MAP3K7: variants seen among roughly 807,000 people sequenced by gnomAD.
The protein encoded by MAP3K7 is TGF-beta activated kinase 1.
Under a neutral mutation model 84.8 loss-of-function variants are expected in MAP3K7, and 21 were observed. The ratio of observed to expected loss-of-function variants is 0.25; its 90% CI spans 0.18 to 0.36. The LOEUF (loss-of-function observed/expected upper bound fraction) is 0.36, where lower values mean the gene tolerates loss of function less well. Among genes scored for constraint, MAP3K7 ranks in the 10% least tolerant of loss-of-function variants. MAP3K7 has a pLI of 1.00. For synonymous variants in MAP3K7, 241 were observed against 247.7 expected, an observed-to-expected ratio of 0.97 and a Z score of 0.25; for missense variants, 503 against 747.7, an observed-to-expected ratio of 0.67 and a Z score of 3.82.
chr6:90,541,950 C>A, intron 12 of MAP3K7, among the ~76,000 whole-genome samples: 1 of 151,764 alleles, frequency 6.6e-6, no homozygotes, highest in East Asian at 1.9e-4. Context: ...TGCACTTGGC[C>A]AAAGGGAAGT....
At chr6:90,577,023 A>T (rs956579600) in intron 1 of MAP3K7, among the ~76,000 whole-genome samples, 3 of 152,206 alleles carry the variant, frequency 2.0e-5, no homozygotes, top group Admixed American at 2.0e-4. Context: ...TATAGCTCTT[A>T]AAGAAAGGAT....
In MAP3K7 at chr6:90,556,608, C is replaced by A. The variant is rs943102765; in HGVS notation, c.499G>T (p.Gly167Trp). ...TCACAAATTTTTAGAACTGTCCCCC[C>A]TGCAACCAGCAGTAAGCTGTTTAAA... Reference protein sequence around the residue: ...LKPPNLLLVAGGTVLKICDFG... With the variant: ...LKPPNLLLVAWGTVLKICDFG... Residue 167 changes from glycine to tryptophan, a missense_variant, in exon 6 of 17, where the codon GGG (glycine) becomes TGG (tryptophan). This residue lies in a region of MAP3K7 where 97 missense variants were observed against 270.8 expected (regional missense o/e 0.36). Transcript: ENST00000369329. The A allele has an allele frequency of 5.0e-6, 8 of 1,607,826 alleles. No individual in the cohort carries two copies. The highest frequency in any genetic ancestry group is 1.4e-5 in the African/African-American group (1 of 74,018).
chr6:90,543,036 A>G (rs1775900569), intron 12 of MAP3K7, among the ~76,000 whole-genome samples: 1 of 152,066 alleles, frequency 6.6e-6, no homozygotes, highest in Non-Finnish European at 1.5e-5. Flanking sequence ...TTACACTGCC[A>G]TCTGTCTAAA....
At chr6:90,572,690 TAC>T (rs1462056826) in intron 1 of MAP3K7, among the ~76,000 whole-genome samples, 7 of 152,068 alleles carry the variant, frequency 4.6e-5, no homozygotes, top group Non-Finnish European at 7.4e-5. Flanking sequence ...TAGATCTCAT[TAC>T]AGTTATTTTT....
Position 90,533,425 on chromosome 6 carries a change from G to A in MAP3K7, c.1356+2912C>T, listed in dbSNP as rs190995122. On this transcript the variant is annotated intron_variant, in intron 13 of 16. Transcript: ENST00000369329. ...GGTTTTAGAAAAAGAAAGTATTATA[G>A]GATTTAGGCTTTGGTTGAGTGATTT... is the stretch of plus-strand genomic sequence containing the variant. Among the ~76,000 whole-genome samples the A allele has an allele frequency of 6.6e-5, 10 of 152,244 alleles. No individual in the cohort carries two copies. The East Asian group carries it at 1.7e-3, about 27-fold the overall frequency.
chr6:90,525,778 G>T (rs554187327), intron 13 of MAP3K7, among the ~76,000 whole-genome samples: 2 of 151,910 alleles, frequency 1.3e-5, no homozygotes, highest in African/African-American at 4.8e-5. Flanking sequence ...ACGTTCCCAG[G>T]CTGGTCTCTA....
At position 90,515,296 on chromosome 6, in the gene MAP3K7, A is replaced by G. The variant is rs1774923651; in HGVS notation, c.*1205T>C. The G allele has an allele frequency of 6.6e-6, 1 of 151,992 alleles. No homozygotes were observed. The highest frequency in any genetic ancestry group is 2.1e-4 in the South Asian group (1 of 4,834). The allele number at this position is 151,992 out of a possible 1,614,324, so 9.4% of individuals were successfully genotyped here. On this transcript the variant is annotated 3_prime_UTR_variant, in exon 17 of 17. Coordinates refer to ENST00000369329, the MANE Select transcript of MAP3K7 (RefSeq NM_145331.3). The stretch of plus-strand genomic sequence containing the variant: ...AACTGAAAAAATATAGAGTTTGTAT[A>G]GTCTATTATTTCAGTGTCATTTTAT...
intron 5 of MAP3K7, among the ~76,000 whole-genome samples, chr6:90,557,118 AT>A: frequency 6.6e-6 from 1 of 152,312 alleles, no homozygotes; most frequent in Middle Eastern, 3.4e-3. Flanking sequence ...TCCCAAAACC[AT>A]TTTTGTGCTT....
chr6:90,541,491 G>A (rs1464457308), intron 12 of MAP3K7, among the ~76,000 whole-genome samples: 1 of 151,952 alleles, frequency 6.6e-6, no homozygotes, highest in Admixed American at 6.6e-5. Context: ...GTAAAAAGGA[G>A]CCAGGCTAAT....
rs201415916 is a variant in MAP3K7 at position 90,550,644 on chromosome 6, TG to T, written c.868-96del. 254 of 703,262 alleles carry T rather than the reference TG, an allele frequency of 3.6e-4. No individual in the cohort carries two copies. The East Asian group carries it at 6.0e-3, about 17-fold the overall frequency. 43.6% of individuals were successfully genotyped at this position (703,262 alleles called of 1,614,324 possible). ...TTTTCCCTAAGTTATATACTAAATT[TG>T]TAGGTGCCTAAGTTTTTTATTTTAC... On this transcript the variant is annotated intron_variant, in intron 8 of 16. Transcript: ENST00000369329.
Position 90,553,469 on chromosome 6 carries a change from G to A in MAP3K7, c.725C>T (p.Ala242Val). ...IGGPAFRIMWAVHNGTRPPLI... is the reference protein window; with the variant it reads ...IGGPAFRIMWVVHNGTRPPLI... ...TTCTTTTTACGAACCATTATGAACA[G>A]CCCACATGATTCGGAAAGCTGGGCC... Residue 242 changes from alanine (A) to valine (V), a missense_variant, in exon 7 of 17, where the codon GCT becomes GTT. Transcript: ENST00000369329. 1 of 1,613,448 alleles carries A rather than the reference G, an allele frequency of 6.2e-7. No individual in the cohort carries two copies. Among genetic ancestry groups the A allele is most frequent in the Non-Finnish European group, 8.5e-7 (1 of 1,179,816 alleles).
chr6:90,514,966 G>A lies in MAP3K7; in HGVS notation c.*1535C>T, dbSNP rs970624808. On this transcript the variant is annotated 3_prime_UTR_variant, in exon 17 of 17. Transcript: ENST00000369329. ...AAAAATAACAGTTTAGTATTCACCT[G>A]TATTGCTTGTATACACAAGGAATTC... 5.3e-5 allele frequency: 8 copies of A among 151,930 alleles called. No homozygotes were observed. Among genetic ancestry groups the A allele is most frequent in the Non-Finnish European group, 8.8e-5 (6 of 67,916 alleles). 9.4% of individuals were successfully genotyped at this position (151,930 alleles called of 1,614,324 possible). A position where few individuals can be genotyped will look rare whatever the true frequency, so the allele number is the denominator to read the frequency against.
chr6:90,545,297 T>C (rs1775969495), intron 11 of MAP3K7, among the ~76,000 whole-genome samples: 1 of 152,114 alleles, frequency 6.6e-6, no homozygotes, highest in African/African-American at 2.4e-5. Flanking sequence ...ATTTAAATTG[T>C]GTAAAACTCA....
At position 90,516,392 on chromosome 6, in the gene MAP3K7, T is replaced by G. The variant is rs1050793837; in HGVS notation, c.*109A>C. On this transcript the variant is annotated 3_prime_UTR_variant, in exon 17 of 17. Transcript: ENST00000369329. ...TGCAGCAAATATAGGCAGTTGGCAT[T>G]CAGAACACGCCAAAAAGCTAACACT... 3.4e-5 allele frequency: 39 copies of G among 1,143,578 alleles called. No individual in the cohort carries two copies. In the African/African-American group the frequency reaches 6.0e-4, roughly 18 times the overall value. 70.8% of individuals were successfully genotyped at this position (1,143,578 alleles called of 1,614,324 possible).
intron 3 of MAP3K7, among the ~76,000 whole-genome samples, chr6:90,563,212 G>A (rs1352161769): frequency 6.6e-6 from 1 of 152,172 alleles, no homozygotes. Flanking sequence ...AAAGCTGGAT[G>A]GAGAATGACT....
intron 14 of MAP3K7, 27 bp from the exon 15 acceptor site, chr6:90,519,346 A>AT: frequency 6.9e-7 from 1 of 1,448,440 alleles, no homozygotes; most frequent in Non-Finnish European, 9.5e-7. Flanking sequence ...TATTTTATTG[A>AT]TTTTCTGTCA....
intron 6 of MAP3K7, among the ~76,000 whole-genome samples, chr6:90,556,035 CAA>C (rs1270578392): frequency 6.6e-6 from 1 of 152,040 alleles, no homozygotes; most frequent in African/African-American, 2.4e-5. Flanking sequence ...CTGAACAGCA[CAA>C]AAAAGGACAC....
In MAP3K7 at chr6:90,515,400, T is replaced by G. The variant is rs34087194; in HGVS notation, c.*1101A>C. 6.6e-6 allele frequency: 1 copy of G among 151,952 alleles called. No individual in the cohort carries two copies. Among genetic ancestry groups the G allele is most frequent in the Non-Finnish European group, 1.5e-5 (1 of 67,888 alleles). 9.4% of individuals were successfully genotyped at this position (151,952 alleles called of 1,614,324 possible). On this transcript the variant is annotated 3_prime_UTR_variant, in exon 17 of 17. Coordinates refer to ENST00000369329, the MANE Select transcript of MAP3K7 (RefSeq NM_145331.3). ...TACTCTGTAAGTGTTGAAATTCTCT[T>G]GAAAGTGTTGAAAGGCGGCAGGCAT...
At chr6:90,551,514 T>C (rs901929845) in intron 8 of MAP3K7, 10 of 152,104 alleles carry the variant, frequency 6.6e-5, no homozygotes, top group South Asian at 2.1e-4. Context: ...TTCTTCTAAA[T>C]AGAAGAAAGT....
Sources: gnomAD v4.1 joint callset for allele counts (sites outside exome capture counted in the v4.1 genomes callset) on GRCh38, gnomAD v4.1.1 for gene constraint, gnomAD v4.1.1 regional missense constraint, MANE v1.5 for transcripts, NCBI Gene and HGNC (gene_info 2026-07-23, HGNC 2026-07-21) for gene names.